The following ARHGEF38 variants were observed in gnomAD, a reference collection of about 807,000 sequenced individuals.
The protein encoded by ARHGEF38 is Rho guanine nucleotide exchange factor 38, also known as Rho guanine nucleotide exchange factor (GEF) 38.
A neutral mutation model predicts 79.9 loss-of-function variants in ARHGEF38; 79 were observed. That is an observed-to-expected ratio of 0.99 (90% CI 0.82 to 1.19). The LOEUF is 1.19. Ranked by LOEUF, ARHGEF38 falls within the 50% of genes most tolerant of loss-of-function variation. The pLI is 0.00. For missense variants in ARHGEF38, 962 were observed against 907.2 expected, an observed-to-expected ratio of 1.06 and a Z score of -0.78; for synonymous variants, 366 against 328.3, an observed-to-expected ratio of 1.11 and a Z score of -1.24.
At chr4:105,638,377 A>G (rs149331468) in intron 5 of ARHGEF38, among the ~76,000 whole-genome samples, 56 of 152,260 alleles carry the variant, frequency 3.7e-4, no homozygotes, top group African/African-American at 1.3e-3. Flanking sequence ...AAAAATGCCT[A>G]TTCTAAACAC....
intron 2 of ARHGEF38, among the ~76,000 whole-genome samples, chr4:105,601,769 A>G (rs1035069562): frequency 6.6e-6 from 1 of 152,118 alleles, no homozygotes; most frequent in South Asian, 2.1e-4. Context: ...GGCCCTTCAC[A>G]TGTCCAAGAA....
In ARHGEF38 at chr4:105,648,660, T is replaced by G. The variant is rs1000759140; in HGVS notation, c.986T>G (p.Ile329Ser). 2 of 1,530,368 alleles carry G rather than the reference T, an allele frequency of 1.3e-6. No individual in the cohort carries two copies. Among genetic ancestry groups the G allele is most frequent in the African/African-American group, 1.4e-5 (1 of 72,728 alleles). 94.8% of individuals were successfully genotyped at this position (1,530,368 alleles called of 1,614,324 possible). ...KSKRVTNHLK[I>S]LTRGESQVKD... is the part of the protein sequence containing the mutation. ...AAAAGAGTGACAAATCATCTGAAGA[T>G]TCTGACCAGAGGAGAATCACAGGTA... The change falls in exon 7 of 14, where the codon ATT (isoleucine) becomes AGT (serine). Residue 329 changes from isoleucine to serine, a missense_variant. Ile to Ser is a moderately radical substitution (Grantham distance 142, BLOSUM62 -2). Coordinates refer to ENST00000420470, the MANE Select transcript of ARHGEF38 (RefSeq NM_001242729.2).
At chr4:105,663,396 G>A (rs1730633507) in intron 10 of ARHGEF38, among the ~76,000 whole-genome samples, 2 of 152,022 alleles carry the variant, frequency 1.3e-5, no homozygotes, top group Non-Finnish European at 2.9e-5. Context: ...TTATATTGTT[G>A]TGTAATAGCT....
At chr4:105,645,510 A>G (rs536617424) in intron 6 of ARHGEF38, 123 bp downstream of exon 6, 4 of 832,230 alleles carry the variant, frequency 4.8e-6, no homozygotes, top group East Asian at 2.8e-5. Flanking sequence ...GAAATCTACA[A>G]TTAGAAGCTG....
Position 105,667,213 on chromosome 4 carries a change from A to T in ARHGEF38, c.1774A>T (p.Lys592Ter). The T allele has an allele frequency of 6.5e-7, 1 of 1,536,188 alleles. No individual in the cohort carries two copies. The highest frequency in any genetic ancestry group is 8.7e-7 in the Non-Finnish European group (1 of 1,146,914). Residue 592 changes from lysine (K) to a stop codon, truncating the protein, a stop_gained, in exon 12 of 14, where the codon AAG becomes TAG. Coordinates refer to ENST00000420470, the MANE Select transcript of ARHGEF38 (RefSeq NM_001242729.2). LOFTEE classifies it high-confidence loss of function. Reference sequence around the variant, plus strand: ...AGAGGAACTCTATCAAGCTAAGCGCAAGTGCAATGCTACACAAGAATATGA... The same window carrying T: ...AGAGGAACTCTATCAAGCTAAGCGCTAGTGCAATGCTACACAAGAATATGA... ...SAEELYQAKR[K>*]CNATQEYDIN... is the part of the protein sequence containing the mutation.
At chr4:105,661,538 G>GATATC (rs1397942553) in intron 10 of ARHGEF38, among the ~76,000 whole-genome samples, 2 of 147,166 alleles carry the variant, frequency 1.4e-5, no homozygotes, top group African/African-American at 5.0e-5. Flanking sequence ...ATCCTAATGG[G>GATATC]TGTGCAGTGG....
chr4:105,668,662 GTAGATAGA>G (rs10608366), intron 13 of ARHGEF38, among the ~76,000 whole-genome samples: 9,875 of 148,954 alleles, frequency 0.066, 415 homozygotes, highest in African/African-American at 0.11. Flanking sequence ...ATGTATATGT[GTAGATAGA>G]TAGATAGATA....
At chr4:105,587,757 G>A (rs1342627557) in intron 1 of ARHGEF38, among the ~76,000 whole-genome samples, 1 of 152,170 alleles carries the variant, frequency 6.6e-6, no homozygotes, top group Non-Finnish European at 1.5e-5. Context: ...ACTGCTCCCG[G>A]CCTCATGTGG....
chr4:105,640,374 T>C (rs1729570284), intron 5 of ARHGEF38, among the ~76,000 whole-genome samples: 1 of 152,182 alleles, frequency 6.6e-6, no homozygotes, highest in South Asian at 2.1e-4. Context: ...CTGCTTCTTG[T>C]TCTTCATTTA....
chr4:105,633,782 A>AAC (rs1729289986), intron 4 of ARHGEF38, among the ~76,000 whole-genome samples: 1 of 150,308 alleles, frequency 6.7e-6, no homozygotes, highest in Non-Finnish European at 1.5e-5. Context: ...GCCTCTCAGG[A>AAC]ACACAAACCC....
chr4:105,592,055 T>C (rs1375756614), intron 2 of ARHGEF38, among the ~76,000 whole-genome samples: 3 of 152,218 alleles, frequency 2.0e-5, no homozygotes, highest in Non-Finnish European at 4.4e-5. Flanking sequence ...AGCATCAGAC[T>C]CTGTCACTAC....
intron 6 of ARHGEF38, among the ~76,000 whole-genome samples, chr4:105,646,834 T>G (rs1005199834): frequency 7.7e-6 from 1 of 129,078 alleles, no homozygotes; most frequent in African/African-American, 4.7e-5. Context: ...TCCAGAGGGT[T>G]TTTTTTTTAA....
chr4:105,606,911 C>T (rs1179762006), intron 2 of ARHGEF38, among the ~76,000 whole-genome samples: 1 of 152,084 alleles, frequency 6.6e-6, no homozygotes, highest in Non-Finnish European at 1.5e-5. Context: ...CTTTCTTTTA[C>T]TTTCTTTTGT....
At chr4:105,668,335 C>T (rs1730832314) in intron 13 of ARHGEF38, among the ~76,000 whole-genome samples, 1 of 152,040 alleles carries the variant, frequency 6.6e-6, no homozygotes, top group Non-Finnish European at 1.5e-5. Flanking sequence ...GTACACGTCA[C>T]CACGCCTGGC....
intron 1 of ARHGEF38, among the ~76,000 whole-genome samples, chr4:105,566,775 C>T (rs1361013155): frequency 3.5e-5 from 5 of 142,566 alleles, no homozygotes; most frequent in Non-Finnish European, 7.5e-5. Flanking sequence ...TTTTAAGAGA[C>T]GGAGTTTTGC....
intron 2 of ARHGEF38, among the ~76,000 whole-genome samples, chr4:105,590,866 C>T (rs891553898): frequency 4.6e-5 from 7 of 152,094 alleles, no homozygotes; most frequent in Non-Finnish European, 1.0e-4. Context: ...AATATCTTCT[C>T]ATATATTCAT....
At chr4:105,666,114 A>T (rs1239066762) in intron 10 of ARHGEF38, 63 bp from the exon 11 acceptor site, 4 of 1,409,898 alleles carry the variant, frequency 2.8e-6, no homozygotes, top group Non-Finnish European at 3.7e-6. Flanking sequence ...AACTCAATAC[A>T]TTTAACACCT....
chr4:105,626,896 C>T (rs1268163453), intron 3 of ARHGEF38, among the ~76,000 whole-genome samples: 1 of 151,518 alleles, frequency 6.6e-6, no homozygotes, highest in African/African-American at 2.4e-5. Flanking sequence ...CACACTAGAT[C>T]ATTCCAAGTT....
rs1397510371 is a variant in ARHGEF38, at chr4:105,589,240, T to C, written c.197-8T>C. 1 of 1,602,760 alleles carries C rather than the reference T, an allele frequency of 6.2e-7. No individual in the cohort carries two copies. The highest frequency in any genetic ancestry group is 1.1e-5 in the South Asian group (1 of 88,392). On this transcript the variant is annotated splice_region_variant and splice_polypyrimidine_tract_variant and intron_variant, in intron 1 of 13. Coordinates refer to ENST00000420470, the MANE Select transcript of ARHGEF38 (RefSeq NM_001242729.2). ...AATGCCTCACCTGTATATGTTTTCA[T>C]TTAACAGAAAAGATGACTCCACAGG...
Sources: gnomAD v4.1 joint callset for allele counts (sites outside exome capture counted in the v4.1 genomes callset) on GRCh38, gnomAD v4.1.1 for gene constraint, MANE v1.5 for transcripts, NCBI Gene and HGNC (gene_info 2026-07-23, HGNC 2026-07-21) for gene names.